The following PALS1 variants were observed in gnomAD, a reference collection of about 807,000 sequenced individuals.
PALS1 encodes the protein protein associated with LIN7 1, MAGUK p55 family member.
Under a neutral mutation model 78.9 loss-of-function variants are expected in PALS1, and 31 were observed. That is an observed-to-expected ratio of 0.39 (90% confidence interval 0.30 to 0.53). PALS1 has a LOEUF of 0.53. Ranked by LOEUF, PALS1 falls within the 20% of genes least tolerant of loss-of-function variation. The pLI, the probability that PALS1 is intolerant of heterozygous loss-of-function variation, is 0.67. For synonymous variants in PALS1, 276 were observed against 270.9 expected (o/e 1.02, Z -0.18); for missense variants, 704 against 826.5 (o/e 0.85, Z 1.82).
In PALS1 at chr14:67,320,363, C is replaced by T; in HGVS notation, c.1503C>T (p.Asn501=). The T allele has an allele frequency of 6.2e-7, 1 of 1,611,096 alleles. No individual in the cohort carries two copies. The highest frequency in any genetic ancestry group is 8.5e-7 in the Non-Finnish European group (1 of 1,179,038). ...GQNELRQRLM[N]KEKDRFASAV... is the part of the protein sequence containing the mutation. ...ATGAATTGCGTCAGAGGCTCATGAA[C>T]AAAGAAAAGGACCGCTTTGCATCTG... The change falls in exon 12 of 15, where the codon AAC becomes AAT. Residue 501 remains asparagine (N), a synonymous_variant. Transcript: ENST00000261681.
At chr14:67,247,230 T>C (rs2084001294) in intron 1 of PALS1, among the ~76,000 whole-genome samples, 1 of 152,230 alleles carries the variant, frequency 6.6e-6, no homozygotes, top group African/African-American at 2.4e-5. Flanking sequence ...TATGCAGATC[T>C]TGCAAATACT....
At chr14:67,292,759 TTAG>T in intron 4 of PALS1, 40 bp downstream of exon 4, 1 of 1,493,246 alleles carries the variant, frequency 6.7e-7, no homozygotes, top group African/African-American at 1.4e-5. Context: ...TACAAGGTAA[TTAG>T]TAGTGGCAGG....
chr14:67,314,576 T>C (rs1335267717), intron 9 of PALS1, among the ~76,000 whole-genome samples: 2 of 152,232 alleles, frequency 1.3e-5, no homozygotes, highest in African/African-American at 4.8e-5. Context: ...TGGGTAGCCA[T>C]TGTGGTTCTG....
At chr14:67,295,337 A>C (rs186807321) in intron 4 of PALS1, among the ~76,000 whole-genome samples, 65 of 151,956 alleles carry the variant, frequency 4.3e-4, no homozygotes, top group African/African-American at 1.5e-3. Context: ...AAAAAATACA[A>C]AAATTAGCTG....
At chr14:67,269,277 T>A (rs2084375955) in intron 1 of PALS1, among the ~76,000 whole-genome samples, 1 of 152,186 alleles carries the variant, frequency 6.6e-6, no homozygotes, top group Admixed American at 6.5e-5. Context: ...AACATTTGGA[T>A]TTTTTCTACT....
intron 1 of PALS1, among the ~76,000 whole-genome samples, chr14:67,266,113 C>G (rs1337417885): frequency 6.6e-6 from 1 of 151,794 alleles, no homozygotes; most frequent in East Asian, 1.9e-4. Flanking sequence ...GGTGTAAAAA[C>G]TTCTTTTATA....
chr14:67,295,868 A>G (rs2084840196), intron 4 of PALS1, among the ~76,000 whole-genome samples: 1 of 152,234 alleles, frequency 6.6e-6, no homozygotes, highest in Admixed American at 6.5e-5. Flanking sequence ...GTATATAGCC[A>G]AGAGAAATGA....
intron 8 of PALS1, among the ~76,000 whole-genome samples, chr14:67,306,321 T>C (rs2085002596): frequency 6.6e-6 from 1 of 151,672 alleles, no homozygotes. Context: ...ATGTGCAGTA[T>C]TTTTCTTTTC....
chr14:67,280,845 T>TTCCC (rs1491445689), intron 3 of PALS1, among the ~76,000 whole-genome samples: 26 of 113,278 alleles, frequency 2.3e-4, no homozygotes, highest in Non-Finnish European at 4.2e-4. Flanking sequence ...CCTTCCTTCC[T>TTCCC]TCCTTCCTTC....
At position 67,310,525 on chromosome 14, in the gene PALS1, T is replaced by C. The variant is rs140754800; in HGVS notation, c.1042-2002T>C. ...TGTTGGTGATATGATGGTTGTTGAT[T>C]TGGATGCTAGTTATACAGGTCTGTT... On this transcript the variant is annotated intron_variant, in intron 8 of 14. Transcript: ENST00000261681. 3.4e-3 allele frequency among the ~76,000 whole-genome samples: 519 copies of C among 152,246 alleles called. 2 individuals carry two copies. Among genetic ancestry groups the C allele is most frequent in the African/African-American group, 0.012 (494 of 41,536 alleles).
intron 1 of PALS1, among the ~76,000 whole-genome samples, chr14:67,258,752 A>T (rs1385771877): frequency 6.6e-6 from 1 of 151,846 alleles, no homozygotes; most frequent in Admixed American, 6.6e-5. Flanking sequence ...TTAACTCCTT[A>T]ATAACAAAGT....
chr14:67,317,871 G>A (rs537006627), intron 11 of PALS1, among the ~76,000 whole-genome samples: 2 of 152,302 alleles, frequency 1.3e-5, no homozygotes, highest in Non-Finnish European at 2.9e-5. Context: ...GAGAATTTTA[G>A]TTTTATTTTG....
At chr14:67,254,358 T>C (rs1197792244) in intron 1 of PALS1, 1 of 152,124 alleles carries the variant, frequency 6.6e-6, no homozygotes, top group Non-Finnish European at 1.5e-5. Context: ...AGTATAGTTA[T>C]CTTATAGATT....
chr14:67,311,592 T>G (rs765087012), intron 8 of PALS1, among the ~76,000 whole-genome samples: 1 of 152,162 alleles, frequency 6.6e-6, no homozygotes, highest in Non-Finnish European at 1.5e-5. Flanking sequence ...AAAGAGAATT[T>G]TAATTCCTTT....
chr14:67,319,766 C>T (rs534972613), intron 11 of PALS1, among the ~76,000 whole-genome samples: 140 of 152,320 alleles, frequency 9.2e-4, no homozygotes, highest in African/African-American at 3.1e-3. Flanking sequence ...TTCCAGCTTT[C>T]TCTGATAACA....
chr14:67,319,047 G>A (rs1289443156), intron 11 of PALS1, among the ~76,000 whole-genome samples: 2 of 147,742 alleles, frequency 1.4e-5, no homozygotes, highest in Non-Finnish European at 3.0e-5. Context: ...GACAGAGCGA[G>A]ACTCCGTCTC....
intron 13 of PALS1, among the ~76,000 whole-genome samples, chr14:67,323,232 C>CATGTGTGTGTGTGTGTGT (rs57594216): frequency 3.3e-4 from 48 of 143,584 alleles, no homozygotes; most frequent in African/African-American, 1.2e-3. Flanking sequence ...CATATATACA[C>CATGTGTGTGTGTGTGTGT]GTGTGTGTGT....
intron 1 of PALS1, among the ~76,000 whole-genome samples, chr14:67,253,936 A>C (rs1261069467): frequency 1.3e-5 from 2 of 149,580 alleles, no homozygotes; most frequent in Non-Finnish European, 3.0e-5. Context: ...TACTGATATC[A>C]GTGTGTTTGT....
At chr14:67,258,263 C>T (rs79370935) in intron 1 of PALS1, among the ~76,000 whole-genome samples, 36 of 152,108 alleles carry the variant, frequency 2.4e-4, no homozygotes, top group East Asian at 2.3e-3. Context: ...GGCCAGGCAC[C>T]GTGGCTCACT....
Sources: gnomAD v4.1 joint callset for allele counts (sites outside exome capture counted in the v4.1 genomes callset) on GRCh38, gnomAD v4.1.1 for gene constraint, MANE v1.5 for transcripts, NCBI Gene and HGNC (gene_info 2026-07-23, HGNC 2026-07-21) for gene names.